TBCD: variants seen among roughly 807,000 people sequenced by gnomAD.
TBCD encodes tubulin folding cofactor D.
A neutral mutation model predicts 169.3 loss-of-function variants in TBCD; 105 were observed. The ratio of observed to expected loss-of-function variants is 0.62; its 90% CI spans 0.53 to 0.73. The LOEUF (loss-of-function observed/expected upper bound fraction) is 0.73, where lower values mean the gene tolerates loss of function less well. TBCD is among the 30% of genes least tolerant of loss of function. The pLI is 0.00. For missense variants in TBCD, 1,444 were observed against 1,600.1 expected, an observed-to-expected ratio of 0.90 and a Z score of 1.66; for synonymous variants, 700 against 643.9, an observed-to-expected ratio of 1.09 and a Z score of -1.32.
chr17:82,856,794 G>C (rs1473324814), intron 13 of TBCD, among the ~76,000 whole-genome samples: 1 of 142,920 alleles, frequency 7.0e-6, no homozygotes, highest in Admixed American at 6.9e-5. Context: ...GCGGACCCTC[G>C]CTGCGCATCC....
At position 82,789,170 on chromosome 17, in the gene TBCD, C is replaced by T. The variant is rs1428142616; in HGVS notation, c.771+7449C>T. 1.3e-5 allele frequency among the ~76,000 whole-genome samples: 2 copies of T among 152,142 alleles called. No homozygotes were observed. The highest frequency in any genetic ancestry group is 2.4e-5 in the African/African-American group (1 of 41,422). ...GTAGCATTTGGGTGAAACGAGGTACCCCAGGCCACGCTGGTTCGGTCTCCT... is the reference window on the plus strand; with the variant it reads ...GTAGCATTTGGGTGAAACGAGGTACTCCAGGCCACGCTGGTTCGGTCTCCT... On this transcript the variant is annotated intron_variant, in intron 7 of 38. Coordinates refer to ENST00000355528, the MANE Select transcript of TBCD (RefSeq NM_005993.5). The surrounding 1 kb of genome is among the most constrained non-coding windows in gnomAD (Gnocchi z 4.8).
intron 26 of TBCD, 145 bp from the exon 27 acceptor site, chr17:82,924,794 C>T: frequency 1.6e-6 from 1 of 613,334 alleles, no homozygotes; most frequent in South Asian, 2.3e-5. Flanking sequence ...AGGTAGGCCA[C>T]TTTGGAAACG....
At chr17:82,860,850 T>C (rs1364437989) in intron 13 of TBCD, among the ~76,000 whole-genome samples, 1 of 152,170 alleles carries the variant, frequency 6.6e-6, no homozygotes, top group Non-Finnish European at 1.5e-5. Context: ...CAGGAGGCCC[T>C]TGTTGGATGC....
chr17:82,915,839 G>A lies in TBCD; in HGVS notation c.2038+4050G>A, dbSNP rs1228944395. ...GTCGGCCACAGGTGTGTGGAGGATCGTGACTTAGCAAGCCGGGGACACGCT... is the reference window on the plus strand; with the variant it reads ...GTCGGCCACAGGTGTGTGGAGGATCATGACTTAGCAAGCCGGGGACACGCT... On this transcript the variant is annotated intron_variant, in intron 23 of 38. Transcript: ENST00000355528. This position sits in a 1 kb window ranked among gnomAD's most constrained non-coding sequence, Gnocchi z 4.3. 2.6e-5 allele frequency among the ~76,000 whole-genome samples: 4 copies of A among 152,154 alleles called. No homozygotes were observed. The highest frequency in any genetic ancestry group is 7.2e-5 in the African/African-American group (3 of 41,440).
At chr17:82,942,388 C>T (rs980876619) in intron 38 of TBCD, 61 bp from the exon 39 acceptor site, 1 of 1,612,578 alleles carries the variant, frequency 6.2e-7, no homozygotes, top group Non-Finnish European at 8.5e-7. Context: ...TGAGGGTCCC[C>T]TGGCTGGGAA....
intron 34 of TBCD, chr17:82,932,946 G>C: frequency 1.7e-6 from 1 of 579,692 alleles, no homozygotes; most frequent in Non-Finnish European, 3.1e-6. Context: ...TATTATGACT[G>C]TAAGTGCAGT....
intron 7 of TBCD, among the ~76,000 whole-genome samples, chr17:82,797,465 T>C (rs2050182220): frequency 6.6e-6 from 1 of 152,170 alleles, no homozygotes; most frequent in Non-Finnish European, 1.5e-5. Context: ...AACTTAAACC[T>C]GGGCACGTTT....
intron 14 of TBCD, among the ~76,000 whole-genome samples, chr17:82,873,901 G>C (rs1322946862): frequency 6.6e-6 from 1 of 152,210 alleles, no homozygotes; most frequent in Non-Finnish European, 1.5e-5. Context: ...CTGGACTCCT[G>C]TTCTTTTGTG....
intron 38 of TBCD, chr17:82,942,074 A>G: frequency 2.7e-6 from 1 of 367,696 alleles, no homozygotes; most frequent in South Asian, 3.6e-5. Flanking sequence ...GGCAGTGGGG[A>G]TGGGCTGAGC....
chr17:82,884,335 G>A lies in TBCD; in HGVS notation c.1533+133G>A, dbSNP rs1283259070. On this transcript the variant is annotated intron_variant, in intron 15 of 38. Coordinates refer to ENST00000355528, the MANE Select transcript of TBCD (RefSeq NM_005993.5). The surrounding 1 kb of genome is among the most constrained non-coding windows in gnomAD (Gnocchi z 4.2). ...AGGAGCCGCGAGGGAGCTGCTGAGA[G>A]TGCCAGCTGCGGGCAGGCCACTGGT... 2 of 832,356 alleles carry A rather than the reference G, an allele frequency of 2.4e-6. No homozygotes were observed. Among genetic ancestry groups the A allele is most frequent in the Non-Finnish European group, 3.9e-6 (2 of 509,716 alleles). 51.6% of individuals were successfully genotyped at this position (832,356 alleles called of 1,614,324 possible). A position where few individuals can be genotyped will look rare whatever the true frequency, so the allele number is the denominator to read the frequency against.
intron 7 of TBCD, among the ~76,000 whole-genome samples, chr17:82,794,641 C>T (rs370744386): frequency 2.0e-5 from 3 of 152,362 alleles, no homozygotes; most frequent in South Asian, 2.1e-4. Context: ...CCCACCGCCA[C>T]GCTGAGCACT....
chr17:82,858,619 C>T (rs752248002), intron 13 of TBCD: 16 of 985,236 alleles, frequency 1.6e-5, no homozygotes, highest in Non-Finnish European at 1.8e-5. Flanking sequence ...GCTGGGTGTG[C>T]CTCACAGACA....
intron 13 of TBCD, among the ~76,000 whole-genome samples, chr17:82,851,734 C>T (rs998678073): frequency 2.0e-5 from 3 of 152,194 alleles, no homozygotes; most frequent in Non-Finnish European, 4.4e-5. Flanking sequence ...CCAATAAACG[C>T]GTGGCCGACG....
chr17:82,779,107 G>A (rs2048784579), intron 6 of TBCD, among the ~76,000 whole-genome samples: 1 of 151,736 alleles, frequency 6.6e-6, no homozygotes. Context: ...CGCCTCCTGA[G>A]TTCAAGTGAT....
intron 6 of TBCD, among the ~76,000 whole-genome samples, chr17:82,780,071 T>G (rs776493311): frequency 2.0e-5 from 3 of 152,158 alleles, no homozygotes; most frequent in African/African-American, 2.4e-5. Context: ...TGGGCAGGCT[T>G]GGCCAGTACT....
intron 11 of TBCD, among the ~76,000 whole-genome samples, chr17:82,808,909 G>A (rs887089960): frequency 7.3e-5 from 11 of 151,164 alleles, no homozygotes; most frequent in Non-Finnish European, 1.2e-4. Flanking sequence ...CAAGGCAGGT[G>A]GAGGGGATAA....
At chr17:82,763,430 T>C (rs2047867812) in intron 2 of TBCD, among the ~76,000 whole-genome samples, 1 of 152,158 alleles carries the variant, frequency 6.6e-6, no homozygotes, top group Non-Finnish European at 1.5e-5. Context: ...TTTTTGTTTG[T>C]TTTTGTTTTT....
intron 7 of TBCD, among the ~76,000 whole-genome samples, chr17:82,787,822 T>C (rs1349651355): frequency 6.6e-6 from 1 of 152,224 alleles, no homozygotes; most frequent in African/African-American, 2.4e-5. Context: ...TGTTTGGCAA[T>C]GTAATTTCCC....
intron 34 of TBCD, 158 bp from the exon 35 acceptor site, chr17:82,937,113 G>A (rs2062697456): frequency 1.6e-6 from 1 of 631,022 alleles, no homozygotes; most frequent in Non-Finnish European, 2.8e-6. Context: ...GTATTGGGAT[G>A]GGGACCAGCG....
Sources: gnomAD v4.1 joint callset for allele counts (sites outside exome capture counted in the v4.1 genomes callset) on GRCh38, gnomAD v4.1.1 for gene constraint, Gnocchi (gnomAD v3.1) non-coding constraint, MANE v1.5 for transcripts, NCBI Gene and HGNC (gene_info 2026-07-23, HGNC 2026-07-21) for gene names.